The following RALGAPA2 variants were observed in gnomAD, a reference collection of about 807,000 sequenced individuals.
The protein encoded by RALGAPA2 is Ral GTPase activating protein catalytic subunit alpha 2, also known as ral GTPase-activating protein subunit alpha-2.
RALGAPA2 carries 139 observed loss-of-function variants against 230.4 expected under a neutral mutation model. The ratio of observed to expected loss-of-function variants is 0.60; its 90% CI spans 0.53 to 0.69. The LOEUF (loss-of-function observed/expected upper bound fraction) is 0.69. RALGAPA2 is among the 30% of genes least tolerant of loss of function. RALGAPA2 has a pLI of 0.00. For synonymous variants in RALGAPA2, 847 were observed against 837.8 expected, an observed-to-expected ratio of 1.01 and a Z score of -0.19; for missense variants, 2,163 against 2,276.0, an observed-to-expected ratio of 0.95 and a Z score of 1.01.
intron 5 of RALGAPA2, among the ~76,000 whole-genome samples, 184 bp from the exon 6 acceptor site, chr20:20,641,062 G>A (rs1041721435): frequency 6.6e-6 from 1 of 152,134 alleles, no homozygotes; most frequent in African/African-American, 2.4e-5. Flanking sequence ...TAAGAGCCTG[G>A]GTTCTGGAGC....
At chr20:20,558,608 G>A (rs1444492675) in intron 23 of RALGAPA2, among the ~76,000 whole-genome samples, 1 of 152,074 alleles carries the variant, frequency 6.6e-6, no homozygotes, top group African/African-American at 2.4e-5. Context: ...TGGGGTGTAA[G>A]GGAGTGTGGA....
intron 31 of RALGAPA2, among the ~76,000 whole-genome samples, chr20:20,515,340 A>G (rs944914105): frequency 1.3e-5 from 2 of 152,224 alleles, no homozygotes; most frequent in Admixed American, 6.5e-5. Context: ...TGCGTCTCCC[A>G]CTGGGAAGGA....
intron 37 of RALGAPA2, among the ~76,000 whole-genome samples, chr20:20,435,637 G>T (rs114594221): frequency 1.5e-3 from 226 of 152,336 alleles, no homozygotes; most frequent in African/African-American, 5.2e-3. Flanking sequence ...GAGCATGTGC[G>T]TCTCTCCACT....
intron 28 of RALGAPA2, 57 bp from the exon 29 acceptor site, chr20:20,524,955 C>A: frequency 1.3e-6 from 2 of 1,488,428 alleles, no homozygotes; most frequent in Admixed American, 4.2e-5. Flanking sequence ...CTTTGTAAGC[C>A]TATGTTAGGA....
chr20:20,491,671 T>C (rs2062062832), intron 36 of RALGAPA2, among the ~76,000 whole-genome samples: 1 of 152,156 alleles, frequency 6.6e-6, no homozygotes, highest in South Asian at 2.1e-4. Context: ...TGCAAGTCTT[T>C]CCTTGACTGC....
intron 16 of RALGAPA2, among the ~76,000 whole-genome samples, chr20:20,592,646 C>T (rs1352044409): frequency 6.6e-6 from 1 of 152,188 alleles, no homozygotes; most frequent in Non-Finnish European, 1.5e-5. Flanking sequence ...AAAACTCAGC[C>T]TGTATTATCT....
chr20:20,450,514 G>C (rs1245107048), intron 37 of RALGAPA2, among the ~76,000 whole-genome samples: 1 of 152,200 alleles, frequency 6.6e-6, no homozygotes, highest in Non-Finnish European at 1.5e-5. Flanking sequence ...TCATTTTGAT[G>C]GTCTCCTATT....
chr20:20,414,407 G>A (rs761704977), intron 37 of RALGAPA2, among the ~76,000 whole-genome samples: 2 of 152,166 alleles, frequency 1.3e-5, no homozygotes, highest in Non-Finnish European at 2.9e-5. Context: ...AAATGCGTGC[G>A]CATTTTGCTA....
rs757373104 is a variant in RALGAPA2 at position 20,536,731 on chromosome 20, A to G, written c.3339T>C (p.Asn1113=). ...GCAGTAAAGGAATCTCCTGGTAGGT[A>G]TTTGGAAAGCAGACCAGAGAGCCGA... The part of the protein sequence containing the change: ...TVLGSLVCFP[N]TYQEIPLLQS... Residue 1113 remains asparagine (N), a synonymous_variant, in exon 25 of 40, where the codon AAT becomes AAC. Coordinates refer to ENST00000202677, the MANE Select transcript of RALGAPA2 (RefSeq NM_020343.4). 4 of 1,612,990 alleles carry G rather than the reference A, an allele frequency of 2.5e-6. No individual in the cohort carries two copies. The East Asian group carries it at 6.7e-5, about 27-fold the overall frequency.
chr20:20,629,665 C>A, intron 9 of RALGAPA2, 75 bp from the exon 10 acceptor site: 1 of 1,493,570 alleles, frequency 6.7e-7, no homozygotes, highest in East Asian at 2.3e-5. Context: ...TCAGTCTTGC[C>A]TTGTTTTAAG....
intron 37 of RALGAPA2, among the ~76,000 whole-genome samples, chr20:20,430,646 A>G (rs1316862186): frequency 6.6e-6 from 1 of 152,172 alleles, no homozygotes; most frequent in Non-Finnish European, 1.5e-5. Flanking sequence ...TCTCCAGTGA[A>G]TATTAAAAAT....
chr20:20,427,443 C>T (rs1156567570), intron 37 of RALGAPA2, among the ~76,000 whole-genome samples: 2 of 151,958 alleles, frequency 1.3e-5, no homozygotes, highest in Non-Finnish European at 2.9e-5. Context: ...ATCAGCCCTG[C>T]GTCCTGCACT....
chr20:20,659,344 T>C (rs570195096), intron 3 of RALGAPA2, among the ~76,000 whole-genome samples: 2 of 152,306 alleles, frequency 1.3e-5, no homozygotes, highest in South Asian at 2.1e-4. Context: ...GACTCAACTC[T>C]TTCATGAAGA....
intron 35 of RALGAPA2, among the ~76,000 whole-genome samples, chr20:20,496,888 C>T (rs1431116209): frequency 1.3e-5 from 2 of 152,168 alleles, no homozygotes; most frequent in Non-Finnish European, 2.9e-5. Context: ...TAAAAAGTGA[C>T]CTGTGCCTAT....
rs781588210 is a variant in RALGAPA2 at position 20,412,015 on chromosome 20, GTAGACACTCACCCGTTC to G, written c.5612_5617+11del. 10 of 1,613,768 alleles carry G rather than the reference GTAGACACTCACCCGTTC, an allele frequency of 6.2e-6. No individual in the cohort carries two copies. The highest frequency in any genetic ancestry group is 8.5e-6 in the Non-Finnish European group (10 of 1,179,822). ...CTTAAGCGCGTGAGAGAAGAATAAT[GTAGACACTCACCCGTTC>G]CGCTGAGGGAGTAGCTGGGAGAGGG... On this transcript the variant is annotated splice_donor_variant and splice_donor_5th_base_variant and coding_sequence_variant and intron_variant, in exon 38 of 40. Transcript: ENST00000202677. LOFTEE classifies it high-confidence loss of function.
chr20:20,437,559 C>T lies in RALGAPA2; in HGVS notation c.5496-25411G>A, dbSNP rs1376853144. 6.6e-6 allele frequency among the ~76,000 whole-genome samples: 1 copy of T among 152,176 alleles called. No individual in the cohort carries two copies. The highest frequency in any genetic ancestry group is 1.5e-5 in the Non-Finnish European group (1 of 68,022). ...ACTGGGTGCCTGCCCCTGCTGTCAC[C>T]TCTGTGGTGTGGAGCCCTTCCCACA... On this transcript the variant is annotated intron_variant, in intron 37 of 39. Coordinates refer to ENST00000202677, the MANE Select transcript of RALGAPA2 (RefSeq NM_020343.4). This position sits in a 1 kb window ranked among gnomAD's most constrained non-coding sequence, Gnocchi z 4.1.
intron 31 of RALGAPA2, among the ~76,000 whole-genome samples, chr20:20,519,876 A>AT (rs890839627): frequency 9.1e-4 from 133 of 146,082 alleles, no homozygotes; most frequent in East Asian, 7.6e-3. Context: ...CATCTCTTTA[A>AT]TTTTTTTTTT....
chr20:20,520,730 C>A (rs988605015), intron 31 of RALGAPA2, among the ~76,000 whole-genome samples, 187 bp downstream of exon 31: 5 of 151,762 alleles, frequency 3.3e-5, no homozygotes, highest in Admixed American at 1.3e-4. Context: ...ATTTGAACTA[C>A]TAAAATGGGA....
intron 20 of RALGAPA2, among the ~76,000 whole-genome samples, chr20:20,575,707 C>T (rs1602893677): frequency 1.3e-5 from 2 of 152,088 alleles, no homozygotes; most frequent in South Asian, 4.2e-4. Flanking sequence ...TTAGAGAACC[C>T]GCATTAATTT....
Sources: gnomAD v4.1 joint callset for allele counts (sites outside exome capture counted in the v4.1 genomes callset) on GRCh38, gnomAD v4.1.1 for gene constraint, Gnocchi (gnomAD v3.1) non-coding constraint, MANE v1.5 for transcripts, NCBI Gene and HGNC (gene_info 2026-07-23, HGNC 2026-07-21) for gene names.